The following SIPA1L1 variants were observed in gnomAD, a reference collection of about 807,000 sequenced individuals.
SIPA1L1 encodes the protein signal-induced proliferation-associated 1-like protein 1.
SIPA1L1 carries 26 observed loss-of-function variants against 162.7 expected under a neutral mutation model. That is an observed-to-expected ratio of 0.16 (90% CI 0.12 to 0.22). The LOEUF (loss-of-function observed/expected upper bound fraction) is 0.22, where lower values mean the gene tolerates loss of function less well. SIPA1L1 is among the 10% of genes least tolerant of loss of function. The pLI, the probability that SIPA1L1 is intolerant of heterozygous loss-of-function variation, is 1.00. For synonymous variants in SIPA1L1, 829 were observed against 837.4 expected (o/e 0.99, Z 0.17); for missense variants, 1,874 against 2,241.0 (o/e 0.84, Z 3.31).
intron 3 of SIPA1L1, among the ~76,000 whole-genome samples, chr14:71,515,511 A>G (rs1176574866): frequency 6.6e-6 from 1 of 152,236 alleles, no homozygotes; most frequent in East Asian, 1.9e-4. Context: ...AAAGCAAACA[A>G]TGAATTAGAG....
intron 2 of SIPA1L1, among the ~76,000 whole-genome samples, chr14:71,500,098 G>A (rs548212291): frequency 1.3e-5 from 2 of 152,200 alleles, no homozygotes; most frequent in Non-Finnish European, 2.9e-5. Flanking sequence ...TAGTGTTTGA[G>A]TGTCATTGAG....
chr14:71,519,761 G>A (rs2052114929), intron 3 of SIPA1L1, among the ~76,000 whole-genome samples: 1 of 152,130 alleles, frequency 6.6e-6, no homozygotes. Flanking sequence ...GAGCCCAGGA[G>A]TTTGAGTGAG....
chr14:71,370,737 A>G (rs1218470906), intron 2 of SIPA1L1, among the ~76,000 whole-genome samples: 1 of 152,200 alleles, frequency 6.6e-6, no homozygotes, highest in Non-Finnish European at 1.5e-5. Flanking sequence ...AAGGTCAGTT[A>G]TGAATCTAGG....
chr14:71,644,190 A>G (rs2041962601), intron 7 of SIPA1L1, among the ~76,000 whole-genome samples: 1 of 151,934 alleles, frequency 6.6e-6, no homozygotes, highest in African/African-American at 2.4e-5. Flanking sequence ...TAAATGAAAA[A>G]TTCATTGACT....
intron 2 of SIPA1L1, among the ~76,000 whole-genome samples, chr14:71,340,785 A>G (rs893839875): frequency 2.0e-5 from 3 of 152,108 alleles, no homozygotes; most frequent in African/African-American, 4.8e-5. Context: ...AAAAAATACA[A>G]AAAATTAGCC....
chr14:71,403,981 A>C (rs2041865100), intron 2 of SIPA1L1, among the ~76,000 whole-genome samples: 1 of 139,900 alleles, frequency 7.1e-6, no homozygotes, highest in Non-Finnish European at 1.6e-5. Context: ...ACACACACAT[A>C]CCCACCCACC....
At chr14:71,349,025 A>G (rs1304632868) in intron 2 of SIPA1L1, among the ~76,000 whole-genome samples, 1 of 152,258 alleles carries the variant, frequency 6.6e-6, no homozygotes, top group Non-Finnish European at 1.5e-5. Context: ...GGTTGTGGTC[A>G]GTACTACTGT....
intron 2 of SIPA1L1, among the ~76,000 whole-genome samples, chr14:71,491,975 A>AGTCTGTC (rs2049321032): frequency 6.6e-6 from 1 of 152,030 alleles, no homozygotes; most frequent in Admixed American, 6.6e-5. Flanking sequence ...TGCTAATCCA[A>AGTCTGTC]GTCTGTCAGC....
intron 3 of SIPA1L1, among the ~76,000 whole-genome samples, chr14:71,526,833 A>G (rs1253877654): frequency 6.6e-6 from 1 of 152,180 alleles, no homozygotes; most frequent in Non-Finnish European, 1.5e-5. Context: ...TTGGAAAATT[A>G]TTGTATAGGA....
intron 2 of SIPA1L1, among the ~76,000 whole-genome samples, chr14:71,375,976 T>G (rs1395771593): frequency 2.0e-5 from 3 of 152,190 alleles, no homozygotes; most frequent in African/African-American, 7.2e-5. Flanking sequence ...AAAATTTTGT[T>G]AAAGATTTTT....
intron 4 of SIPA1L1, among the ~76,000 whole-genome samples, chr14:71,567,313 T>G (rs2030863613): frequency 6.6e-6 from 1 of 152,216 alleles, no homozygotes; most frequent in African/African-American, 2.4e-5. Flanking sequence ...GGAAGGTTCC[T>G]CCTATCATTG....
intron 12 of SIPA1L1, among the ~76,000 whole-genome samples, chr14:71,674,460 G>C (rs1233478546): frequency 6.6e-6 from 1 of 151,960 alleles, no homozygotes; most frequent in East Asian, 1.9e-4. Flanking sequence ...ACCTTAATAT[G>C]CCAGGCCCTG....
At chr14:71,431,345 C>T (rs901010552) in intron 2 of SIPA1L1, among the ~76,000 whole-genome samples, 2 of 152,156 alleles carry the variant, frequency 1.3e-5, no homozygotes, top group Non-Finnish European at 2.9e-5. Context: ...TAGCAGTATA[C>T]ACTCCTAAAG....
intron 4 of SIPA1L1, among the ~76,000 whole-genome samples, chr14:71,545,603 A>G (rs2146018908): frequency 6.6e-6 from 1 of 151,160 alleles, no homozygotes; most frequent in South Asian, 2.1e-4. Context: ...GTGTGTGTGT[A>G]GTTGTCATAT....
chr14:71,430,212 T>G (rs1354211880), intron 2 of SIPA1L1, among the ~76,000 whole-genome samples: 1 of 152,184 alleles, frequency 6.6e-6, no homozygotes, highest in Non-Finnish European at 1.5e-5. Flanking sequence ...CTTAAAGGAC[T>G]GTTGGTTTCA....
intron 10 of SIPA1L1, among the ~76,000 whole-genome samples, chr14:71,669,637 A>G (rs1350100937): frequency 6.6e-6 from 1 of 152,216 alleles, no homozygotes; most frequent in African/African-American, 2.4e-5. Context: ...ACAATAGACA[A>G]GAAAAATTGC....
intron 2 of SIPA1L1, among the ~76,000 whole-genome samples, chr14:71,495,886 CAAAA>C (rs61183823): frequency 2.1e-4 from 8 of 38,002 alleles, no homozygotes; most frequent in African/African-American, 6.5e-4. Context: ...TCCATCTCTA[CAAAA>C]AAAAAAAAAA....
chr14:71,363,163 A>G (rs1368042140), intron 2 of SIPA1L1, among the ~76,000 whole-genome samples: 3 of 152,306 alleles, frequency 2.0e-5, no homozygotes, highest in Non-Finnish European at 4.4e-5. Context: ...TCATCAGTCA[A>G]TCTGTTTTCT....
chr14:71,425,035 T>C (rs2043462324), intron 2 of SIPA1L1, among the ~76,000 whole-genome samples: 1 of 152,110 alleles, frequency 6.6e-6, no homozygotes, highest in African/African-American at 2.4e-5. Context: ...TTATCCAGTT[T>C]TTTTGCATAC....
Sources: allele counts gnomAD v4.1 joint callset (sites outside exome capture counted in the v4.1 genomes callset), GRCh38; gene constraint gnomAD v4.1.1; transcripts MANE v1.5; gene names NCBI Gene and HGNC (gene_info 2026-07-23, HGNC 2026-07-21).